NCOA6: variants seen among roughly 807,000 people sequenced by gnomAD.
NCOA6 encodes the protein nuclear receptor coactivator 6.
In NCOA6, 49 loss-of-function variants were observed where a neutral mutation model predicts 171.4. The ratio of observed to expected loss-of-function variants is 0.29; its 90% CI spans 0.23 to 0.36. NCOA6 has a LOEUF of 0.36. NCOA6 is among the 10% of genes least tolerant of loss of function. NCOA6 has a pLI of 1.00. For synonymous variants in NCOA6, 910 were observed against 927.5 expected (o/e 0.98, Z 0.34); for missense variants, 2,248 against 2,554.5 (o/e 0.88, Z 2.59).
intron 9 of NCOA6, among the ~76,000 whole-genome samples, chr20:34,748,739 C>CCAAT (rs1194801965): frequency 6.6e-6 from 1 of 152,172 alleles, no homozygotes; most frequent in Non-Finnish European, 1.5e-5. Flanking sequence ...TTTAAAAGGT[C>CCAAT]CAATCATCTT....
At chr20:34,804,322 G>A (rs1471115805) in intron 1 of NCOA6, among the ~76,000 whole-genome samples, 3 of 151,796 alleles carry the variant, frequency 2.0e-5, no homozygotes, top group African/African-American at 4.8e-5. Context: ...GGGTGACAGA[G>A]GGAGACCTTG....
At chr20:34,770,697 C>T (rs1471606516) in intron 4 of NCOA6, among the ~76,000 whole-genome samples, 1 of 151,064 alleles carries the variant, frequency 6.6e-6, no homozygotes, top group Non-Finnish European at 1.5e-5. Context: ...ATGGCGCGAT[C>T]TCGGATCACT....
Position 34,729,376 on chromosome 20 carries a change from G to C in NCOA6, c.6000-1969C>G, listed in dbSNP as rs143466591. Among the ~76,000 whole-genome samples, 11 of 152,240 alleles carry C rather than the reference G, an allele frequency of 7.2e-5. 1 individual carries two copies. In the East Asian group the frequency reaches 2.1e-3, roughly 29 times the overall value. ...TGTAGGAATACTAGTTTACTGGTGAGTTATTTTCTTCTTTGTAATTCTCTG... is the reference window on the plus strand; with the variant it reads ...TGTAGGAATACTAGTTTACTGGTGACTTATTTTCTTCTTTGTAATTCTCTG... On this transcript the variant is annotated intron_variant, in intron 13 of 14. Coordinates refer to ENST00000359003, the MANE Select transcript of NCOA6 (RefSeq NM_014071.5).
intron 5 of NCOA6, among the ~76,000 whole-genome samples, chr20:34,763,022 T>C (rs1465968730): frequency 6.6e-6 from 1 of 152,226 alleles, no homozygotes; most frequent in Non-Finnish European, 1.5e-5. Flanking sequence ...ACGTCTTTTC[T>C]TTTGGGTTGC....
At chr20:34,729,470 T>A (rs1309306836) in intron 13 of NCOA6, among the ~76,000 whole-genome samples, 1 of 152,066 alleles carries the variant, frequency 6.6e-6, no homozygotes, top group Non-Finnish European at 1.5e-5. Flanking sequence ...GTTAAAATGA[T>A]CAGAAAAAAA....
At chr20:34,720,041 T>C (rs1353765833) in intron 14 of NCOA6, among the ~76,000 whole-genome samples, 1 of 152,248 alleles carries the variant, frequency 6.6e-6, no homozygotes, top group Non-Finnish European at 1.5e-5. Context: ...TAATTACAGA[T>C]TGCTCTGAAC....
chr20:34,805,705 G>A (rs1334624884), intron 1 of NCOA6, among the ~76,000 whole-genome samples: 3 of 148,664 alleles, frequency 2.0e-5, no homozygotes, highest in South Asian at 2.1e-4. Flanking sequence ...TTTTTGAGAC[G>A]GAGTCTTACT....
chr20:34,785,272 T>C (rs929975409), intron 2 of NCOA6, among the ~76,000 whole-genome samples: 13 of 152,006 alleles, frequency 8.6e-5, no homozygotes, highest in African/African-American at 2.4e-4. Flanking sequence ...TCTAGTGCTA[T>C]GACTGTTACA....
At chr20:34,753,686 A>C (rs890230067) in intron 8 of NCOA6, among the ~76,000 whole-genome samples, 8 of 152,026 alleles carry the variant, frequency 5.3e-5, no homozygotes, top group African/African-American at 2.4e-5. Context: ...TAAAAAAAAA[A>C]CAAACATGAA....
intron 2 of NCOA6, among the ~76,000 whole-genome samples, chr20:34,791,992 G>A (rs544516066): frequency 5.9e-5 from 9 of 152,242 alleles, no homozygotes; most frequent in Non-Finnish European, 4.4e-5. Flanking sequence ...AAGCTAGGAG[G>A]GAGGGAAATA....
chr20:34,818,742 A>C (rs1230081881), intron 1 of NCOA6, among the ~76,000 whole-genome samples: 1 of 152,222 alleles, frequency 6.6e-6, no homozygotes. Flanking sequence ...ATTCCTCAGC[A>C]TAGAAACCTT....
chr20:34,796,710 G>A (rs1420708048), intron 1 of NCOA6, among the ~76,000 whole-genome samples: 1 of 151,982 alleles, frequency 6.6e-6, no homozygotes, highest in East Asian at 1.9e-4. Flanking sequence ...TGAATTGGGA[G>A]GATCACTTGA....
intron 3 of NCOA6, 27 bp downstream of exon 3, chr20:34,782,094 G>A (rs1169425229): frequency 2.8e-6 from 4 of 1,443,012 alleles, no homozygotes; most frequent in African/African-American, 2.8e-5. Flanking sequence ...ACAGTAACAG[G>A]AAGAAAAAAT....
At chr20:34,759,898 A>T (rs890942389) in intron 5 of NCOA6, among the ~76,000 whole-genome samples, 2 of 152,186 alleles carry the variant, frequency 1.3e-5, no homozygotes, top group African/African-American at 2.4e-5. Flanking sequence ...ATTTATACTC[A>T]AACTAGCAGT....
intron 13 of NCOA6, among the ~76,000 whole-genome samples, chr20:34,729,650 C>T (rs1990374853): frequency 6.6e-6 from 1 of 152,172 alleles, no homozygotes. Context: ...TCTTTTGTCT[C>T]TTGGGTTCAC....
chr20:34,795,929 T>C (rs969237129), intron 1 of NCOA6, among the ~76,000 whole-genome samples: 3 of 152,016 alleles, frequency 2.0e-5, no homozygotes, highest in Non-Finnish European at 2.9e-5. Context: ...ATTACAAATA[T>C]GGCAAAATGT....
intron 1 of NCOA6, among the ~76,000 whole-genome samples, chr20:34,813,187 T>C (rs1409852744): frequency 6.8e-6 from 1 of 148,072 alleles, no homozygotes; most frequent in Admixed American, 6.7e-5. Context: ...AAAAATAGGC[T>C]GGGTGCAGTG....
At chr20:34,752,405 A>G (rs1157088010) in intron 8 of NCOA6, among the ~76,000 whole-genome samples, 1 of 152,228 alleles carries the variant, frequency 6.6e-6, no homozygotes, top group African/African-American at 2.4e-5. Context: ...TTCATTAAGT[A>G]CCTGATACAT....
At chr20:34,754,274 A>G (rs1000074152) in intron 8 of NCOA6, among the ~76,000 whole-genome samples, 2 of 152,224 alleles carry the variant, frequency 1.3e-5, no homozygotes, top group African/African-American at 4.8e-5. Context: ...CTACCTGAGC[A>G]AGCTCTAACT....
Sources: gnomAD v4.1 joint callset for allele counts (sites outside exome capture counted in the v4.1 genomes callset) on GRCh38, gnomAD v4.1.1 for gene constraint, MANE v1.5 for transcripts, NCBI Gene and HGNC (gene_info 2026-07-23, HGNC 2026-07-21) for gene names.